The following ANK1 variants were observed in gnomAD, a reference collection of about 807,000 sequenced individuals.
ANK1 encodes ankyrin-1.
Under a neutral mutation model 210.4 loss-of-function variants are expected in ANK1, and 51 were observed. The observed-to-expected ratio is 0.24, with a 90% CI of 0.19 to 0.31. ANK1 has a LOEUF of 0.31. Among genes scored for constraint, ANK1 ranks in the 10% least tolerant of loss-of-function variants. The pLI is 1.00. For missense variants in ANK1, 2,051 were observed against 2,504.4 expected (o/e 0.82, Z 3.86); for synonymous variants, 967 against 1,025.9 (o/e 0.94, Z 1.10).
At chr8:41,723,851 G>C (rs1396129076) in intron 7 of ANK1, among the ~76,000 whole-genome samples, 49 of 149,230 alleles carry the variant, frequency 3.3e-4, no homozygotes, top group African/African-American at 9.9e-4. Flanking sequence ...GTGCAGTGGC[G>C]CGATCTCGAC....
At chr8:41,655,923 TC>T (rs1480098676) in intron 42 of ANK1, among the ~76,000 whole-genome samples, 170 bp from the exon 43 acceptor site, 1 of 152,244 alleles carries the variant, frequency 6.6e-6, no homozygotes, top group Non-Finnish European at 1.5e-5. Flanking sequence ...CAGCCCGACT[TC>T]CTGAGATGCC....
chr8:41,690,615 A>C lies in ANK1; in HGVS notation c.3859-16T>G. 1.2e-6 allele frequency: 2 copies of C among 1,609,802 alleles called. 1 individual carries two copies. The highest frequency in any genetic ancestry group is 2.2e-5 in the South Asian group (2 of 91,068). On this transcript the variant is annotated splice_polypyrimidine_tract_variant and intron_variant, in intron 31 of 42. Coordinates refer to ENST00000289734, the MANE Select transcript of ANK1 (RefSeq NM_000037.4). ...CTTCCAACACCTGCAGGAGAGGAAA[A>C]GCAGATACAGCTTGTCAGGGAGAGA...
Position 41,703,459 on chromosome 8 carries a change from T to A in ANK1, c.2295+582A>T, listed in dbSNP as rs1823607224. On this transcript the variant is annotated intron_variant, in intron 20 of 42. Coordinates refer to ENST00000289734, the MANE Select transcript of ANK1 (RefSeq NM_000037.4). ...ATATATATATATATATATTTTTTTT[T>A]TTTTTTTAAGACACAAGGTCTTGCT... Among the ~76,000 whole-genome samples, 3 of 131,696 alleles carry A rather than the reference T, an allele frequency of 2.3e-5. No individual in the cohort carries two copies. In the South Asian group the frequency reaches 7.4e-4, roughly 32 times the overall value. 86.4% of individuals were successfully genotyped at this position (131,696 alleles called of 152,430 possible). A position where few individuals can be genotyped will look rare whatever the true frequency, so the allele number is the denominator to read the frequency against.
At position 41,715,556 on chromosome 8, in the gene ANK1, G is replaced by A. The variant is rs988699477; in HGVS notation, c.1602+96C>T. ...TTCCAGCTGCTTGCAGCATCATTGAGGTGACAAAGAGAACCAGGCAGGAAT... is the reference window on the plus strand; with the variant it reads ...TTCCAGCTGCTTGCAGCATCATTGAAGTGACAAAGAGAACCAGGCAGGAAT... On this transcript the variant is annotated intron_variant, in intron 14 of 42. Coordinates refer to ENST00000289734, the MANE Select transcript of ANK1 (RefSeq NM_000037.4). 4.1e-6 allele frequency: 6 copies of A among 1,463,122 alleles called. No individual in the cohort carries two copies. The Admixed American group carries it at 5.6e-5, about 14-fold the overall frequency. 90.6% of individuals were successfully genotyped at this position (1,463,122 alleles called of 1,614,324 possible).
intron 1 of ANK1, among the ~76,000 whole-genome samples, chr8:41,765,411 T>TA (rs34385865): frequency 0.63 from 95,013 of 151,444 alleles, 30,933 homozygotes; most frequent in Middle Eastern, 0.75. Flanking sequence ...CACACCTGGC[T>TA]AATTTCTTTA....
At chr8:41,750,731 C>T (rs1244487046) in intron 2 of ANK1, among the ~76,000 whole-genome samples, 2 of 152,134 alleles carry the variant, frequency 1.3e-5, no homozygotes, top group Non-Finnish European at 1.5e-5. Context: ...TATGAAGGCA[C>T]GCAGTAACAA....
At chr8:41,807,094 C>G (rs534160706) in intron 1 of ANK1, among the ~76,000 whole-genome samples, 9 of 152,220 alleles carry the variant, frequency 5.9e-5, no homozygotes, top group Non-Finnish European at 1.3e-4. Context: ...ACTCATCCAT[C>G]TTTCTCGTAA....
At chr8:41,833,590 G>A (rs16890872) in intron 1 of ANK1, among the ~76,000 whole-genome samples, 3,737 of 152,302 alleles carry the variant, frequency 0.025, 159 homozygotes, top group African/African-American at 0.085. Flanking sequence ...CCGAAGATGG[G>A]AATGGTCACC....
chr8:41,714,874 T>C (rs1335777225), intron 15 of ANK1, 102 bp downstream of exon 15: 4 of 1,238,940 alleles, frequency 3.2e-6, no homozygotes, highest in African/African-American at 1.5e-5. Flanking sequence ...AAAAAAAAGA[T>C]GAACAACACA....
At chr8:41,783,880 T>C (rs1043197151) in intron 1 of ANK1, among the ~76,000 whole-genome samples, 2 of 152,066 alleles carry the variant, frequency 1.3e-5, no homozygotes, top group African/African-American at 4.8e-5. Context: ...CTGGGCAACA[T>C]AGCAAGACTC....
Position 41,724,508 on chromosome 8 carries a change from T to C in ANK1, c.659A>G (p.Asn220Ser), listed in dbSNP as rs948026077. 11 of 1,602,772 alleles carry C rather than the reference T, an allele frequency of 6.9e-6. 1 individual carries two copies. The highest frequency in any genetic ancestry group is 6.7e-5 in the African/African-American group (5 of 74,774). The part of the protein sequence containing the change: ...LHIAAHYENL[N>S]VAQLLLNRGA... Reference sequence around the variant, plus strand: ...TCTGTTGAGGAGCAACTGGGCCACGTTGAGGTTCTCGTAGTGAGCCGCAAT... The same window carrying C: ...TCTGTTGAGGAGCAACTGGGCCACGCTGAGGTTCTCGTAGTGAGCCGCAAT... Residue 220 changes from asparagine to serine, a missense_variant, in exon 7 of 43, where the codon AAC (asparagine) becomes AGC (serine). Physicochemically the swap from Asn to Ser is conservative, Grantham distance 46. Around this residue, in one of 6 missense-constraint regions of ANK1, gnomAD observed 1,413 missense variants for 1,707.4 expected, o/e 0.83. Transcript: ENST00000289734.
intron 2 of ANK1, among the ~76,000 whole-genome samples, chr8:41,734,739 A>G (rs145419625): frequency 6.6e-6 from 1 of 151,878 alleles, no homozygotes; most frequent in Non-Finnish European, 1.5e-5. Context: ...AAAAGAAAAA[A>G]AAAAGCCCAC....
intron 1 of ANK1, among the ~76,000 whole-genome samples, chr8:41,794,640 C>T (rs943780849): frequency 2.0e-5 from 3 of 152,172 alleles, no homozygotes; most frequent in African/African-American, 7.2e-5. Context: ...GCTATATTCC[C>T]GGTGCCCCAA....
At chr8:41,664,657 G>A (rs1809753005) in intron 39 of ANK1, 2 of 769,746 alleles carry the variant, frequency 2.6e-6, no homozygotes, top group Admixed American at 2.3e-5. Context: ...TGGCTCCCAG[G>A]GTGGAACATG....
intron 1 of ANK1, among the ~76,000 whole-genome samples, chr8:41,859,503 C>A (rs767527017): frequency 6.6e-6 from 1 of 152,182 alleles, no homozygotes; most frequent in Non-Finnish European, 1.5e-5. Context: ...CACACAACCA[C>A]GCCTGACTAA....
At chr8:41,841,219 T>A (rs1479091811) in intron 1 of ANK1, among the ~76,000 whole-genome samples, 1 of 152,160 alleles carries the variant, frequency 6.6e-6, no homozygotes, top group East Asian at 1.9e-4. Flanking sequence ...TTATTCAGCC[T>A]TGAAAATGAG....
At chr8:41,869,419 G>T (rs1296531697) in intron 1 of ANK1, among the ~76,000 whole-genome samples, 2 of 152,144 alleles carry the variant, frequency 1.3e-5, no homozygotes, top group African/African-American at 4.8e-5. Context: ...TTTAAAAGAT[G>T]GGACCTGAAA....
rs754832300 is a variant in ANK1, at chr8:41,706,196, G to C, written c.2044C>G (p.Pro682Ala). The change falls in exon 18 of 43, where the codon CCA becomes GCA. Residue 682 changes from proline (P) to alanine (A), a missense_variant. Physicochemically the swap from Pro to Ala is conservative, Grantham distance 27 (BLOSUM62 -1). Around this residue, in one of 6 missense-constraint regions of ANK1, gnomAD observed 1,413 missense variants for 1,707.4 expected, o/e 0.83. Coordinates refer to ENST00000289734, the MANE Select transcript of ANK1 (RefSeq NM_000037.4). Reference protein sequence around the residue: ...LHLVAQEGHVPVADVLIKHGV... With the variant: ...LHLVAQEGHVAVADVLIKHGV... ...TGTTTGATCAGCACATCTGCCACTG[G>C]AACGTGGCCTTCTTGTGCTACCAGA... The C allele has an allele frequency of 1.7e-5, 27 of 1,614,028 alleles. No homozygotes were observed. The highest frequency in any genetic ancestry group is 1.9e-5 in the Non-Finnish European group (22 of 1,179,998).
At chr8:41,884,529 G>C (rs7016607) in intron 1 of ANK1, among the ~76,000 whole-genome samples, 28,661 of 152,018 alleles carry the variant, frequency 0.19, 2,920 homozygotes, top group East Asian at 0.4. Context: ...TCCTGGAGGA[G>C]GTGAAGCTTA....
Sources: gnomAD v4.1 joint callset for allele counts (sites outside exome capture counted in the v4.1 genomes callset) on GRCh38, gnomAD v4.1.1 for gene constraint, gnomAD v4.1.1 regional missense constraint, MANE v1.5 for transcripts, NCBI Gene and HGNC (gene_info 2026-07-23, HGNC 2026-07-21) for gene names.